FGR: variants seen among roughly 807,000 people sequenced by gnomAD.
FGR encodes FGR proto-oncogene, Src family tyrosine kinase.
FGR carries 26 observed loss-of-function variants against 63.2 expected under a neutral mutation model. The observed-to-expected ratio is 0.41, with a 90% CI of 0.30 to 0.57. FGR has a LOEUF of 0.57. FGR is among the 20% of genes least tolerant of loss of function. The pLI is 0.27. For synonymous variants in FGR, 286 were observed against 277.7 expected, an observed-to-expected ratio of 1.03 and a Z score of -0.30; for missense variants, 511 against 690.8, an observed-to-expected ratio of 0.74 and a Z score of 2.92.
chr1:27,628,071 A>G (rs1211677982), intron 1 of FGR, among the ~76,000 whole-genome samples: 1 of 151,476 alleles, frequency 6.6e-6, no homozygotes, highest in Non-Finnish European at 1.5e-5. Flanking sequence ...CCTGGGCAAT[A>G]TGGCAAATCC....
At position 27,623,050 on chromosome 1, in the gene FGR, C is replaced by T. The variant is rs2089958979; in HGVS notation, c.321G>A (p.Leu107=). 6.2e-7 allele frequency: 1 copy of T among 1,613,170 alleles called. No homozygotes were observed. The highest frequency in any genetic ancestry group is 8.5e-7 in the Non-Finnish European group (1 of 1,179,104). The stretch of plus-strand genomic sequence containing the variant: ...GTGGCCTGGTCACTTACGTATTGTT[C>T]AGGATGTGGAACTTCTCGCCCTTGG... ...TFTKGEKFHI[L]NNTEGDWWEA... The change falls in exon 4 of 13, where the codon CTG becomes CTA. Residue 107 remains leucine (L), a synonymous_variant. Coordinates refer to ENST00000374005, the MANE Select transcript of FGR (RefSeq NM_005248.3).
At chr1:27,620,118 A>G (rs1442682117) in intron 5 of FGR, among the ~76,000 whole-genome samples, 1 of 152,014 alleles carries the variant, frequency 6.6e-6, no homozygotes, top group Admixed American at 6.6e-5. Flanking sequence ...GGAGTTTGAG[A>G]CCAGCCTGGC....
At chr1:27,626,547 C>T in intron 1 of FGR, 1 of 210,872 alleles carries the variant, frequency 4.7e-6, no homozygotes. Context: ...CCACCCTAGC[C>T]CCACCTGCCC....
intron 11 of FGR, 45 bp from the exon 12 acceptor site, chr1:27,613,395 G>A: frequency 5.0e-6 from 8 of 1,602,468 alleles, no homozygotes; most frequent in Non-Finnish European, 6.0e-6. Flanking sequence ...GGGGGTCCCT[G>A]GAAACAGCTG....
chr1:27,627,016 T>G (rs1433063155), intron 1 of FGR, among the ~76,000 whole-genome samples: 1 of 151,946 alleles, frequency 6.6e-6, no homozygotes, highest in Non-Finnish European at 1.5e-5. Flanking sequence ...AAAAAAATCT[T>G]TTTTTAATTA....
intron 1 of FGR, among the ~76,000 whole-genome samples, chr1:27,627,004 A>T (rs755077285): frequency 8.4e-6 from 1 of 118,928 alleles, no homozygotes; most frequent in Non-Finnish European, 1.6e-5. Flanking sequence ...CCGTCTCTAT[A>T]AAAAAAAATC....
chr1:27,634,094 C>A (rs1332525831), intron 1 of FGR, among the ~76,000 whole-genome samples: 1 of 139,684 alleles, frequency 7.2e-6, no homozygotes, highest in Non-Finnish European at 1.6e-5. Context: ...AGCCCACCCC[C>A]CACCCACCAG....
In FGR at chr1:27,634,706, C is replaced by T. The variant is rs112530594; in HGVS notation, c.-77+359G>A. On this transcript the variant is annotated intron_variant, in intron 1 of 12. Transcript: ENST00000374005. ...CACTCTCACGATCCCTTCAGTTTCT[C>T]CCCCAGACCGTCCTGGGGATTCCCC... 2.6e-5 allele frequency among the ~76,000 whole-genome samples: 4 copies of T among 152,086 alleles called. 1 individual carries two copies. Among genetic ancestry groups the T allele is most frequent in the African/African-American group, 9.6e-5 (4 of 41,470 alleles).
chr1:27,619,797 C>T (rs957714943), intron 5 of FGR, among the ~76,000 whole-genome samples: 29 of 152,210 alleles, frequency 1.9e-4, no homozygotes, highest in African/African-American at 6.3e-4. Flanking sequence ...CTGTGTTTCC[C>T]GCCTTAGCAA....
intron 11 of FGR, 83 bp downstream of exon 11, chr1:27,614,347 G>A (rs2089756624): frequency 6.8e-7 from 1 of 1,465,738 alleles, no homozygotes; most frequent in African/African-American, 1.4e-5. Context: ...CCTGGAGTGA[G>A]GAAGGGTTCC....
In FGR at chr1:27,617,901, C is replaced by T. The variant is rs1324566698; in HGVS notation, c.429-605G>A. Among the ~76,000 whole-genome samples the T allele has an allele frequency of 2.0e-5, 3 of 152,184 alleles. No individual in the cohort carries two copies. Among genetic ancestry groups the T allele is most frequent in the Non-Finnish European group, 4.4e-5 (3 of 68,044 alleles). ...CTAAGTCTAAACTTCAACCTCAGGC[C>T]TCAATCACTCCTCTCCCTTGGGGAT... On this transcript the variant is annotated intron_variant, in intron 5 of 12. Transcript: ENST00000374005. The surrounding 1 kb of genome is among the most constrained non-coding windows in gnomAD (Gnocchi z 4.5).
intron 9 of FGR, 65 bp from the exon 10 acceptor site, chr1:27,614,991 C>T: frequency 3.0e-6 from 4 of 1,339,212 alleles, no homozygotes; most frequent in Non-Finnish European, 4.2e-6. Context: ...CCTCCTCTCG[C>T]TTGACCCCGC....
Position 27,616,925 on chromosome 1 carries a change from A to T in FGR, c.614T>A (p.Met205Lys), listed in dbSNP as rs763110954. The change falls in exon 7 of 13, where the codon ATG becomes AAG. Residue 205 changes from methionine to lysine, a missense_variant. By Grantham distance (95) the Met-to-Lys change is moderately conservative. Transcript: ENST00000374005. The surrounding 1 kb of genome is among the most constrained non-coding windows in gnomAD (Gnocchi z 4.3). ...CCGTGTGGTGATGTAGTAGCCGCCC[A>T]TGTCCAGTTTGCGGATCTTGTAATG... ...VKHYKIRKLD[M>K]GGYYITTRVQ... The T allele has an allele frequency of 5.0e-6, 8 of 1,614,066 alleles. No homozygotes were observed.
At chr1:27,631,924 G>C (rs912794925) in intron 1 of FGR, among the ~76,000 whole-genome samples, 5 of 151,958 alleles carry the variant, frequency 3.3e-5, no homozygotes, top group Non-Finnish European at 7.4e-5. Context: ...GGGCTGGAGG[G>C]TCAGGGAGCA....
In FGR at chr1:27,612,912, G is replaced by A; in HGVS notation, c.*2C>T. The A allele has an allele frequency of 3.1e-6, 5 of 1,613,058 alleles. No homozygotes were observed. The South Asian group carries it at 4.4e-5, about 14-fold the overall frequency. On this transcript the variant is annotated 3_prime_UTR_variant, in exon 13 of 13. Coordinates refer to ENST00000374005, the MANE Select transcript of FGR (RefSeq NM_005248.3). ...GCCAGAGAGGGTTGATGCCCGGACA[G>A]GCTATGTCTGATCCCCGGGCTGGTA...
chr1:27,621,883 T>C (rs915918810), intron 4 of FGR, among the ~76,000 whole-genome samples: 1 of 152,166 alleles, frequency 6.6e-6, no homozygotes, highest in African/African-American at 2.4e-5. Context: ...GGCTCTTAGC[T>C]TCTTCCTTGG....
chr1:27,615,052 G>T lies in FGR; in HGVS notation c.1019-126C>A. On this transcript the variant is annotated intron_variant, in intron 9 of 12. Coordinates refer to ENST00000374005, the MANE Select transcript of FGR (RefSeq NM_005248.3). The surrounding 1 kb of genome is among the most constrained non-coding windows in gnomAD (Gnocchi z 7.6). ...GCCCCTCACTTAGGACCCCGCGGGT[G>T]CCTCAACCCCTCACTTGTCTCGTCC... The T allele has an allele frequency of 1.4e-6, 1 of 730,024 alleles. No individual in the cohort carries two copies. Among genetic ancestry groups the T allele is most frequent in the Non-Finnish European group, 2.4e-6 (1 of 416,740 alleles). 45.2% of individuals were successfully genotyped at this position (730,024 alleles called of 1,614,324 possible).
At chr1:27,624,481 C>T (rs886738278) in intron 2 of FGR, among the ~76,000 whole-genome samples, 2 of 152,124 alleles carry the variant, frequency 1.3e-5, no homozygotes, top group East Asian at 1.9e-4. Context: ...TGTTGTGTTT[C>T]TGTGACTCTT....
chr1:27,622,531 A>G (rs922939230), intron 4 of FGR, among the ~76,000 whole-genome samples: 11 of 151,318 alleles, frequency 7.3e-5, no homozygotes, highest in Non-Finnish European at 1.5e-5. Flanking sequence ...TTTGAAATGG[A>G]GTCTCCCTCT....
Sources: allele counts gnomAD v4.1 joint callset (sites outside exome capture counted in the v4.1 genomes callset), GRCh38; gene constraint gnomAD v4.1.1; non-coding constraint Gnocchi (gnomAD v3.1); transcripts MANE v1.5; gene names NCBI Gene and HGNC (gene_info 2026-07-23, HGNC 2026-07-21).